ADGRG7: variants seen among roughly 807,000 people sequenced by gnomAD.
ADGRG7 encodes G-protein coupled receptor 128.
A neutral mutation model predicts 88.6 loss-of-function variants in ADGRG7; 82 were observed. That is an observed-to-expected ratio of 0.93 (90% CI 0.77 to 1.11). The LOEUF (loss-of-function observed/expected upper bound fraction) is 1.11. Among genes scored for constraint, ADGRG7 ranks in the 50% most tolerant of loss-of-function variants. The pLI is 0.00. For missense variants in ADGRG7, 945 were observed against 953.4 expected, an observed-to-expected ratio of 0.99 and a Z score of 0.12; for synonymous variants, 381 against 345.2, an observed-to-expected ratio of 1.10 and a Z score of -1.15.
intron 1 of ADGRG7, among the ~76,000 whole-genome samples, chr3:100,616,882 A>G (rs1388455673): frequency 6.6e-6 from 1 of 152,142 alleles, no homozygotes; most frequent in Non-Finnish European, 1.5e-5. Context: ...AAACTAGGGA[A>G]TGGAAAAGAA....
chr3:100,634,894 G>A (rs1009467182), intron 4 of ADGRG7, among the ~76,000 whole-genome samples: 1 of 152,064 alleles, frequency 6.6e-6, no homozygotes, highest in African/African-American at 2.4e-5. Flanking sequence ...AGGGTTATTT[G>A]TTTCTGTCTA....
intron 15 of ADGRG7, among the ~76,000 whole-genome samples, chr3:100,685,710 T>A (rs1025400553): frequency 6.6e-6 from 1 of 152,194 alleles, no homozygotes; most frequent in South Asian, 2.1e-4. Context: ...GAACTCATCA[T>A]TTTTTACGGC....
intron 8 of ADGRG7, 56 bp downstream of exon 8, chr3:100,643,689 T>C: frequency 1.8e-6 from 2 of 1,116,694 alleles, no homozygotes; most frequent in Non-Finnish European, 2.7e-6. Flanking sequence ...ATGGAACTAA[T>C]AACTTCTAAT....
At chr3:100,684,257 C>CTATTTATTTATTTATTTATTTATTTATT (rs61090159) in intron 15 of ADGRG7, among the ~76,000 whole-genome samples, 374 of 145,318 alleles carry the variant, frequency 2.6e-3, no homozygotes, top group Middle Eastern at 3.5e-3. Context: ...TCCATTTTAT[C>CTATTTATTTATTTATTTATTTATTTATT]TATTTATTTA....
intron 6 of ADGRG7, among the ~76,000 whole-genome samples, chr3:100,639,766 G>A (rs1030319459): frequency 9.2e-5 from 14 of 152,068 alleles, no homozygotes; most frequent in African/African-American, 3.4e-4. Flanking sequence ...AAAAAGATAG[G>A]AACATTTTCC....
At chr3:100,689,398 G>C in intron 15 of ADGRG7, among the ~76,000 whole-genome samples, 1 of 152,224 alleles carries the variant, frequency 6.6e-6, no homozygotes, top group Non-Finnish European at 1.5e-5. Context: ...ATATTGTTAC[G>C]TGTGAATTTG....
At chr3:100,645,180 A>G (rs1449597029) in intron 8 of ADGRG7, among the ~76,000 whole-genome samples, 1 of 152,266 alleles carries the variant, frequency 6.6e-6, no homozygotes, top group Non-Finnish European at 1.5e-5. Flanking sequence ...AAATATGCCA[A>G]CAGTTGTATA....
At chr3:100,650,875 A>G (rs2094928305) in intron 11 of ADGRG7, among the ~76,000 whole-genome samples, 2 of 152,172 alleles carry the variant, frequency 1.3e-5, no homozygotes, top group Non-Finnish European at 2.9e-5. Context: ...TTTCTAGGCT[A>G]TCACTCTTTC....
chr3:100,614,148 T>G (rs1707195431), intron 1 of ADGRG7, among the ~76,000 whole-genome samples: 1 of 152,198 alleles, frequency 6.6e-6, no homozygotes, highest in African/African-American at 2.4e-5. Flanking sequence ...TTTTCTCCAC[T>G]CCCTGGTTTA....
intron 10 of ADGRG7, among the ~76,000 whole-genome samples, chr3:100,648,032 T>C (rs767144019): frequency 1.3e-5 from 2 of 152,218 alleles, no homozygotes; most frequent in Non-Finnish European, 2.9e-5. Context: ...TTCTAATTTG[T>C]ATTACAGAGA....
intron 11 of ADGRG7, among the ~76,000 whole-genome samples, chr3:100,650,640 C>A (rs1461483341): frequency 1.3e-5 from 2 of 152,110 alleles, no homozygotes; most frequent in African/African-American, 4.8e-5. Context: ...ACAAGAAGTG[C>A]GTATCAGTAT....
At position 100,625,612 on chromosome 3, in the gene ADGRG7, C is replaced by T. The variant is rs538054369; in HGVS notation, c.116-3986C>T. The stretch of plus-strand genomic sequence containing the variant: ...GGCATCCTTGCCTTGTGCCAGTTTT[C>T]AAAGGAAATGCTGCCCATTTTTGCC... On this transcript the variant is annotated intron_variant, in intron 1 of 15. Coordinates refer to ENST00000273352, the MANE Select transcript of ADGRG7 (RefSeq NM_032787.3). Among the ~76,000 whole-genome samples, 137 of 139,410 alleles carry T rather than the reference C, an allele frequency of 9.8e-4. 1 individual carries two copies. Among genetic ancestry groups the T allele is most frequent in the Admixed American group, 2.2e-3 (31 of 14,338 alleles). 91.5% of individuals were successfully genotyped at this position (139,410 alleles called of 152,430 possible).
chr3:100,622,979 G>T (rs111573786), intron 1 of ADGRG7, among the ~76,000 whole-genome samples: 1 of 151,486 alleles, frequency 6.6e-6, no homozygotes, highest in Non-Finnish European at 1.5e-5. Context: ...GGCCAGGCTG[G>T]TCTCAAACTC....
At chr3:100,610,891 A>T (rs1325530250) in intron 1 of ADGRG7, among the ~76,000 whole-genome samples, 3 of 152,204 alleles carry the variant, frequency 2.0e-5, no homozygotes, top group East Asian at 3.8e-4. Flanking sequence ...TAGCAGGAGC[A>T]TGGAGCATGG....
intron 1 of ADGRG7, among the ~76,000 whole-genome samples, chr3:100,619,268 CA>C (rs1429604573): frequency 6.6e-6 from 1 of 152,108 alleles, no homozygotes; most frequent in Non-Finnish European, 1.5e-5. Flanking sequence ...CAAAACCGCT[CA>C]ACTACATGGA....
intron 15 of ADGRG7, among the ~76,000 whole-genome samples, chr3:100,693,915 CT>C (rs2094998000): frequency 6.6e-6 from 1 of 152,208 alleles, no homozygotes; most frequent in African/African-American, 2.4e-5. Context: ...TTTGCAGTCA[CT>C]TTCTGTTACA....
chr3:100,686,713 C>T (rs1420293271), intron 15 of ADGRG7, among the ~76,000 whole-genome samples: 2 of 152,196 alleles, frequency 1.3e-5, no homozygotes, highest in African/African-American at 4.8e-5. Flanking sequence ...TCTGAAGGCT[C>T]TGTTCTGTTC....
At chr3:100,631,020 T>C (rs979637003) in intron 3 of ADGRG7, among the ~76,000 whole-genome samples, 3 of 152,144 alleles carry the variant, frequency 2.0e-5, no homozygotes, top group African/African-American at 4.8e-5. Flanking sequence ...GAATCAGTTG[T>C]TTGTGAATTT....
chr3:100,645,961 C>A lies in ADGRG7; in HGVS notation c.963C>A (p.Cys321Ter). Residue 321 changes from cysteine to a stop codon, truncating the protein, a stop_gained, in exon 9 of 16, where the codon TGC (cysteine) becomes TGA (stop). Transcript: ENST00000273352. LOFTEE classifies it high-confidence loss of function. ...LNMTKNYTKT[C>*]GFVVYQNDKL... is the part of the protein sequence containing the mutation. ...TCCCTATAGATTACACCAAGACATG[C>A]GGCTTTGTAGTTTATCAAAATGACA... 2 of 1,613,530 alleles carry A rather than the reference C, an allele frequency of 1.2e-6. No individual in the cohort carries two copies. Among genetic ancestry groups the A allele is most frequent in the Non-Finnish European group, 1.7e-6 (2 of 1,179,826 alleles).
Sources: allele counts gnomAD v4.1 joint callset (sites outside exome capture counted in the v4.1 genomes callset), GRCh38; gene constraint gnomAD v4.1.1; transcripts MANE v1.5; gene names NCBI Gene and HGNC (gene_info 2026-07-23, HGNC 2026-07-21).